DUS1L: variants seen among roughly 807,000 people sequenced by gnomAD.
DUS1L encodes the protein tRNA-dihydrouridine(16/17) synthase [NAD(P)(+)]-like.
Under a neutral mutation model 61.2 loss-of-function variants are expected in DUS1L, and 56 were observed. The observed-to-expected ratio is 0.92, with a 90% confidence interval of 0.74 to 1.14. The LOEUF is 1.14. DUS1L is among the 50% of genes most tolerant of loss of function. The probability of loss-of-function intolerance (pLI) is 0.00; values close to 1 mark genes in which losing one functional copy is unlikely to be tolerated. For synonymous variants in DUS1L, 278 were observed against 259.5 expected, an observed-to-expected ratio of 1.07 and a Z score of -0.69; for missense variants, 630 against 632.4, an observed-to-expected ratio of 1.00 and a Z score of 0.04.
Position 82,061,367 on chromosome 17 carries a change from A to G in DUS1L, c.698-14T>C. 6.4e-7 allele frequency: 1 copy of G among 1,560,986 alleles called. No homozygotes were observed. Among genetic ancestry groups the G allele is most frequent in the East Asian group, 2.3e-5 (1 of 44,158 alleles). ...GCAGGTTGCCCTCTGTGGGAGGAGG[A>G]GCGGGGAAGGACACCTCGTGGGTTG... On this transcript the variant is annotated splice_polypyrimidine_tract_variant and intron_variant, in intron 7 of 13. Coordinates refer to ENST00000306796, the MANE Select transcript of DUS1L (RefSeq NM_022156.5).
chr17:82,064,312 T>G (rs1042934868), intron 2 of DUS1L, 78 bp from the exon 3 acceptor site: 2 of 1,250,656 alleles, frequency 1.6e-6, no homozygotes, highest in Non-Finnish European at 1.1e-6. Flanking sequence ...AGAGGTCCAG[T>G]GTGACCCCAT....
chr17:82,060,404 C>G (rs571018073), intron 10 of DUS1L: 1 of 577,230 alleles, frequency 1.7e-6, no homozygotes, highest in South Asian at 2.3e-5. Context: ...GACCCACGGG[C>G]AAATCCACCA....
In DUS1L at chr17:82,061,304, C is replaced by G. The variant is rs111961766; in HGVS notation, c.747G>C (p.Val249=). 2.2e-4 allele frequency: 358 copies of G among 1,610,580 alleles called. No homozygotes were observed. The African/African-American group carries it at 2.7e-3, about 12-fold the overall frequency. The change falls in exon 8 of 14, where the codon GTG becomes GTC. Residue 249 remains valine (V), a synonymous_variant. Transcript: ENST00000306796. ...PALFEGRSPA[V]WELAEEYLDI... ...CCAGATACTCCTCGGCCAGCTCCCACACGGCAGGGCTCCGGCCCTCGAACA... is the reference window on the plus strand; with the variant it reads ...CCAGATACTCCTCGGCCAGCTCCCAGACGGCAGGGCTCCGGCCCTCGAACA...
At position 82,061,369 on chromosome 17, in the gene DUS1L, CG is replaced by C; in HGVS notation, c.698-17del. ...AGGTTGCCCTCTGTGGGAGGAGGAG[CG>C]GGGAAGGACACCTCGTGGGTTGCTC... On this transcript the variant is annotated splice_polypyrimidine_tract_variant and intron_variant, in intron 7 of 13. Coordinates refer to ENST00000306796, the MANE Select transcript of DUS1L (RefSeq NM_022156.5). The C allele has an allele frequency of 6.4e-7, 1 of 1,557,014 alleles. No homozygotes were observed. The highest frequency in any genetic ancestry group is 1.2e-5 in the South Asian group (1 of 83,870).
chr17:82,064,829 G>A lies in DUS1L; in HGVS notation c.231C>T (p.Ile77=), dbSNP rs2033691116. ...CACAGCCCCTCCTGCGCACCTGCAC[G>A]ATGAGGGGCCGGTCCTCGGGGCACA... ...CEVCPEDRPL[I]VQFCANDPEV... The change falls in exon 2 of 14, where the codon ATC becomes ATT. Residue 77 remains isoleucine, a synonymous_variant. Coordinates refer to ENST00000306796, the MANE Select transcript of DUS1L (RefSeq NM_022156.5). 1.2e-6 allele frequency: 2 copies of A among 1,608,830 alleles called. No homozygotes were observed. The highest frequency in any genetic ancestry group is 1.1e-5 in the South Asian group (1 of 90,690).
chr17:82,060,939 G>A lies in DUS1L; in HGVS notation c.865C>T (p.Arg289Ter), dbSNP rs1473557225. The A allele has an allele frequency of 8.7e-6, 14 of 1,610,026 alleles. No individual in the cohort carries two copies. Among genetic ancestry groups the A allele is most frequent in the Non-Finnish European group, 1.2e-5 (14 of 1,179,788 alleles). Residue 289 changes from arginine (R) to a stop codon, truncating the protein, a stop_gained, in exon 9 of 14, where the codon CGA becomes TGA. Transcript: ENST00000306796. LOFTEE classifies it high-confidence loss of function. ...HHTLQVHQEL[R>*]EELAKVKTLE... Reference sequence around the variant, plus strand: ...GTCTTCACCTTGGCCAGCTCCTCTCGCAGCTCCTGGTGCACCTGCAGCCTG... The same window carrying A: ...GTCTTCACCTTGGCCAGCTCCTCTCACAGCTCCTGGTGCACCTGCAGCCTG...
In DUS1L at chr17:82,060,039, C is replaced by T. The variant is rs200132619; in HGVS notation, c.1077G>A (p.Glu359=). The part of the protein sequence containing the change: ...KAGARSKRAL[E]EEEGGTEVLS... ...GGACCTCCGTGCCACCCTCCTCTTC[C>T]TCCAGGGCCCGCTTGCTGCGCGCAC... Residue 359 remains glutamate (E), a synonymous_variant, in exon 11 of 14, where the codon GAG becomes GAA. Coordinates refer to ENST00000306796, the MANE Select transcript of DUS1L (RefSeq NM_022156.5). 1.2e-6 allele frequency: 2 copies of T among 1,613,776 alleles called. No individual in the cohort carries two copies. Among genetic ancestry groups the T allele is most frequent in the Admixed American group, 1.7e-5 (1 of 60,018 alleles).
At position 82,060,033 on chromosome 17, in the gene DUS1L, C is replaced by T; in HGVS notation, c.1083G>A (p.Glu361=). Residue 361 remains glutamate (E), a synonymous_variant, in exon 11 of 14, where the codon GAG becomes GAA. Transcript: ENST00000306796. ...TGGACAGGACCTCCGTGCCACCCTC[C>T]TCTTCCTCCAGGGCCCGCTTGCTGC... ...GARSKRALEE[E]EGGTEVLSKN... 1.2e-6 allele frequency: 2 copies of T among 1,613,850 alleles called. No homozygotes were observed. Among genetic ancestry groups the T allele is most frequent in the South Asian group, 1.1e-5 (1 of 91,082 alleles).
chr17:82,061,896 C>A lies in DUS1L; in HGVS notation c.593+5G>T. On this transcript the variant is annotated splice_donor_5th_base_variant and intron_variant, in intron 6 of 13. Transcript: ENST00000306796. ...CTGAGGGCTGTGTCACCCACACCCA[C>A]TCACCGCACAGCCTTGATATGCTCC... 1 of 1,605,832 alleles carries A rather than the reference C, an allele frequency of 6.2e-7. No homozygotes were observed. The highest frequency in any genetic ancestry group is 8.5e-7 in the Non-Finnish European group (1 of 1,175,514).
rs1598547362 is a variant in DUS1L, at chr17:82,059,097, C to T, written c.1169-279G>A. On this transcript the variant is annotated intron_variant, in intron 11 of 13. Coordinates refer to ENST00000306796, the MANE Select transcript of DUS1L (RefSeq NM_022156.5). ...CGCAGGACGAGCAGCCTTATCTGTC[C>T]TACCCCCAGGCAGGGACAAGGGGAG... 1.2e-5 allele frequency: 6 copies of T among 499,692 alleles called. No individual in the cohort carries two copies. In the East Asian group the frequency reaches 1.6e-4, roughly 14 times the overall value. The allele number at this position is 499,692 out of a possible 1,614,324, so 31.0% of individuals were successfully genotyped here.
intron 11 of DUS1L, 67 bp downstream of exon 11, chr17:82,059,881 C>G: frequency 1.9e-6 from 3 of 1,597,428 alleles, no homozygotes; most frequent in Non-Finnish European, 2.6e-6. Context: ...GTTCCTGTTA[C>G]TGGCAACAGG....
Position 82,060,929 on chromosome 17 carries a change from A to G in DUS1L, c.875T>C (p.Leu292Pro). The G allele has an allele frequency of 6.2e-7, 1 of 1,610,884 alleles. No individual in the cohort carries two copies. The highest frequency in any genetic ancestry group is 8.5e-7 in the Non-Finnish European group (1 of 1,179,904). ...GCCCTCCAGGGTCTTCACCTTGGCCAGCTCCTCTCGCAGCTCCTGGTGCAC... is the reference window on the plus strand; with the variant it reads ...GCCCTCCAGGGTCTTCACCTTGGCCGGCTCCTCTCGCAGCTCCTGGTGCAC... ...LQVHQELREE[L>P]AKVKTLEGIA... is the part of the protein sequence containing the mutation. Residue 292 changes from leucine (L) to proline (P), a missense_variant, in exon 9 of 14, where the codon CTG (leucine) becomes CCG (proline). By Grantham distance (98) the Leu-to-Pro change is moderately conservative. Coordinates refer to ENST00000306796, the MANE Select transcript of DUS1L (RefSeq NM_022156.5).
At chr17:82,059,850 C>T in intron 11 of DUS1L, 98 bp downstream of exon 11, 2 of 1,544,112 alleles carry the variant, frequency 1.3e-6, no homozygotes, top group African/African-American at 1.4e-5. Context: ...GGGCCTTGAG[C>T]CTTGCTGACC....
rs762537745 is a variant in DUS1L at position 82,064,111 on chromosome 17, C to T, written c.346+15G>A. 2 of 1,608,348 alleles carry T rather than the reference C, an allele frequency of 1.2e-6. No individual in the cohort carries two copies. The highest frequency in any genetic ancestry group is 1.7e-5 in the Admixed American group (1 of 59,750). On this transcript the variant is annotated intron_variant, in intron 3 of 13. Transcript: ENST00000306796. ...CCCCTGCCCCAGGTGCCCCCATGCT[C>T]CACATGGAGCTCACCTCTCTTGGCT...
chr17:82,062,278 T>TC (rs2033545707), intron 5 of DUS1L, among the ~76,000 whole-genome samples: 1 of 152,126 alleles, frequency 6.6e-6, no homozygotes, highest in Admixed American at 6.5e-5. Flanking sequence ...AGTGGCAGCA[T>TC]CCCCACTGCC....
At position 82,058,400 on chromosome 17, in the gene DUS1L, A is replaced by AAC; in HGVS notation, c.1221_1222dup (p.Phe408CysfsTer141). The AAC allele has an allele frequency of 6.7e-7, 1 of 1,493,528 alleles. No homozygotes were observed. The allele number at this position is 1,493,528 out of a possible 1,614,324, so 92.5% of individuals were successfully genotyped here. On this transcript the variant is annotated frameshift_variant, in exon 13 of 14. Coordinates refer to ENST00000306796, the MANE Select transcript of DUS1L (RefSeq NM_022156.5). LOFTEE classifies it high-confidence loss of function. Reference sequence around the variant, plus strand: ...CTTGCAGCAGCCGCGGCACAGGCTGAACACACATCTGTTGCCCTGGGCACA... The same window carrying AAC: ...CTTGCAGCAGCCGCGGCACAGGCTGAACACACACATCTGTTGCCCTGGGCACA...
At chr17:82,061,116 T>C in intron 8 of DUS1L, 93 bp downstream of exon 8, 1 of 1,553,650 alleles carries the variant, frequency 6.4e-7, no homozygotes, top group Non-Finnish European at 8.7e-7. Context: ...AGCAAGTTGT[T>C]TTGACAAAAC....
chr17:82,065,214 A>G, intron 1 of DUS1L, 145 bp from the exon 2 acceptor site: 1 of 701,922 alleles, frequency 1.4e-6, no homozygotes, highest in Non-Finnish European at 2.3e-6. Context: ...GGGTCGGTGC[A>G]GGCTGGAGAA....
chr17:82,059,963 C>G lies in DUS1L; in HGVS notation c.1153G>C (p.Asp385His). 6.2e-7 allele frequency: 1 copy of G among 1,613,930 alleles called. No individual in the cohort carries two copies. The highest frequency in any genetic ancestry group is 8.5e-7 in the Non-Finnish European group (1 of 1,179,986). ...KQLRNPHKTF[D>H]PSLKPKYAKC... is the part of the protein sequence containing the mutation. ...CAGCACTTACGCTTCAGAGAGGGGT[C>G]GAAGGTCTTGTGGGGGTTCCTCAGC... Residue 385 changes from aspartate to histidine, a missense_variant, in exon 11 of 14, where the codon GAC becomes CAC. By Grantham distance (81) the Asp-to-His change is moderately conservative. Transcript: ENST00000306796.
Sources: gnomAD v4.1 joint callset for allele counts (sites outside exome capture counted in the v4.1 genomes callset) on GRCh38, gnomAD v4.1.1 for gene constraint, MANE v1.5 for transcripts, NCBI Gene and HGNC (gene_info 2026-07-23, HGNC 2026-07-21) for gene names.